INPP4B: variants seen among roughly 807,000 people sequenced by gnomAD.
INPP4B encodes the protein inositol polyphosphate-4-phosphatase type II B, also known as inositol polyphosphate 4-phosphatase type II.
Under a neutral mutation model 122.5 loss-of-function variants are expected in INPP4B, and 55 were observed. The ratio of observed to expected loss-of-function variants is 0.45; its 90% CI spans 0.36 to 0.56. INPP4B has a LOEUF of 0.56. Among genes scored for constraint, INPP4B ranks in the 20% least tolerant of loss-of-function variants. INPP4B has a pLI of 0.00. For synonymous variants in INPP4B, 403 were observed against 388.7 expected (o/e 1.04, Z -0.43); for missense variants, 1,000 against 1,097.7 (o/e 0.91, Z 1.26).
At chr4:142,193,405 G>A (rs2636663) in intron 14 of INPP4B, among the ~76,000 whole-genome samples, 133,026 of 151,904 alleles carry the variant, frequency 0.88, 59,048 homozygotes, top group East Asian at 0.96. Context: ...AAGATATAAT[G>A]TTTTCCTGAT....
intron 12 of INPP4B, among the ~76,000 whole-genome samples, chr4:142,230,575 CGAGGTTTTGGT>C (rs1015562691): frequency 2.2e-5 from 3 of 133,444 alleles, no homozygotes; most frequent in African/African-American, 8.5e-5. Flanking sequence ...ACCCAGGAGG[CGAGGTTTTGGT>C]GAGCCGAGAT....
At chr4:142,145,014 C>T (rs1293219783) in intron 18 of INPP4B, among the ~76,000 whole-genome samples, 1 of 152,008 alleles carries the variant, frequency 6.6e-6, no homozygotes. Context: ...GCAAAAAAGT[C>T]TGACTCAACC....
chr4:142,400,908 T>C (rs1438480711), intron 7 of INPP4B, among the ~76,000 whole-genome samples: 1 of 152,212 alleles, frequency 6.6e-6, no homozygotes, highest in African/African-American at 2.4e-5. Context: ...TTGAAGGAGA[T>C]AGAAACACAT....
intron 12 of INPP4B, among the ~76,000 whole-genome samples, chr4:142,230,805 T>C (rs1854004101): frequency 6.6e-6 from 1 of 152,200 alleles, no homozygotes; most frequent in Non-Finnish European, 1.5e-5. Context: ...ATACATTTTA[T>C]ATATCTGTAA....
At chr4:142,798,968 A>C (rs1777644329) in intron 1 of INPP4B, among the ~76,000 whole-genome samples, 1 of 151,842 alleles carries the variant, frequency 6.6e-6, no homozygotes, top group African/African-American at 2.4e-5. Flanking sequence ...GATGGGGACC[A>C]TGAGAGACTG....
intron 17 of INPP4B, among the ~76,000 whole-genome samples, chr4:142,155,442 A>T (rs1217384190): frequency 6.6e-6 from 1 of 152,080 alleles, no homozygotes; most frequent in South Asian, 2.1e-4. Flanking sequence ...ATACCTGGCT[A>T]AACATGTTTT....
intron 1 of INPP4B, among the ~76,000 whole-genome samples, chr4:142,830,734 G>A (rs746173070): frequency 6.6e-6 from 1 of 151,728 alleles, no homozygotes; most frequent in Non-Finnish European, 1.5e-5. Context: ...GTCAAGAGTG[G>A]GGCAGGCAGT....
intron 11 of INPP4B, among the ~76,000 whole-genome samples, chr4:142,244,363 G>A (rs1280957685): frequency 7.4e-6 from 1 of 135,174 alleles, no homozygotes; most frequent in Non-Finnish European, 1.5e-5. Flanking sequence ...GCAGTGGTGC[G>A]ATCTCGGCTC....
At chr4:142,650,881 T>C in intron 2 of INPP4B, among the ~76,000 whole-genome samples, 1 of 152,172 alleles carries the variant, frequency 6.6e-6, no homozygotes, top group South Asian at 2.1e-4. Context: ...CTAATAGACA[T>C]CTACAGAACT....
intron 1 of INPP4B, among the ~76,000 whole-genome samples, chr4:142,827,484 C>T (rs1781587879): frequency 6.6e-6 from 1 of 152,088 alleles, no homozygotes; most frequent in Non-Finnish European, 1.5e-5. Flanking sequence ...AATAATATCC[C>T]CCTGGGTAGA....
At chr4:142,066,432 T>A (rs1238638711) in intron 25 of INPP4B, among the ~76,000 whole-genome samples, 1 of 152,162 alleles carries the variant, frequency 6.6e-6, no homozygotes, top group Admixed American at 6.6e-5. Flanking sequence ...GGTGAGCTAA[T>A]TAAAACACTG....
intron 1 of INPP4B, among the ~76,000 whole-genome samples, chr4:142,739,329 T>C (rs1767555298): frequency 6.6e-6 from 1 of 151,956 alleles, no homozygotes; most frequent in Non-Finnish European, 1.5e-5. Flanking sequence ...ATGAGCTAAG[T>C]AGGATAAGAA....
At chr4:142,172,157 A>T (rs1219265) in intron 16 of INPP4B, among the ~76,000 whole-genome samples, 149,474 of 151,656 alleles carry the variant, frequency 0.99, 73,701 homozygotes, top group South Asian at 1. Flanking sequence ...AAACATTTTT[A>T]AAAAAAAACT....
chr4:142,120,476 T>C (rs1002143009), intron 21 of INPP4B, among the ~76,000 whole-genome samples: 3 of 152,244 alleles, frequency 2.0e-5, no homozygotes, highest in South Asian at 4.1e-4. Context: ...TGTCTCTCCA[T>C]TTAGTGGATC....
chr4:142,816,699 C>T (rs72935969), intron 1 of INPP4B, among the ~76,000 whole-genome samples: 6,199 of 152,130 alleles, frequency 0.041, 415 homozygotes, highest in African/African-American at 0.14. Flanking sequence ...TACACACACA[C>T]ATATTCAGCC....
intron 7 of INPP4B, among the ~76,000 whole-genome samples, chr4:142,342,929 G>A (rs1218935445): frequency 6.6e-6 from 1 of 151,994 alleles, no homozygotes; most frequent in Non-Finnish European, 1.5e-5. Flanking sequence ...AATAGTTAGT[G>A]GCCTCATTCC....
chr4:142,578,044 C>T (rs367712582), intron 2 of INPP4B, among the ~76,000 whole-genome samples: 1 of 151,936 alleles, frequency 6.6e-6, no homozygotes, highest in African/African-American at 2.4e-5. Context: ...TACTCACAAT[C>T]TAGGAGAGGG....
intron 14 of INPP4B, among the ~76,000 whole-genome samples, chr4:142,206,011 A>G (rs1190842760): frequency 2.0e-5 from 3 of 152,074 alleles, no homozygotes; most frequent in Non-Finnish European, 4.4e-5. Context: ...ATTATTCTCT[A>G]ACAGTTCCGG....
chr4:142,061,351 A>G (rs1429609436), intron 25 of INPP4B, among the ~76,000 whole-genome samples: 1 of 152,160 alleles, frequency 6.6e-6, no homozygotes, highest in Non-Finnish European at 1.5e-5. Flanking sequence ...TCCTTTCCAA[A>G]TGCTGCAGTC....
Sources: gnomAD v4.1 joint callset for allele counts (sites outside exome capture counted in the v4.1 genomes callset) on GRCh38, gnomAD v4.1.1 for gene constraint, MANE v1.5 for transcripts, NCBI Gene and HGNC (gene_info 2026-07-23, HGNC 2026-07-21) for gene names.